The following C1orf141 variants were observed in gnomAD, a reference collection of about 807,000 sequenced individuals.
C1orf141 encodes chromosome 1 open reading frame 141, also known as uncharacterized protein C1orf141.
In C1orf141, 19 loss-of-function variants were observed where a neutral mutation model predicts 23.2. The ratio of observed to expected loss-of-function variants is 0.82; its 90% CI spans 0.57 to 1.20. C1orf141 has a LOEUF of 1.20. Ranked by LOEUF, C1orf141 falls within the 50% of genes most tolerant of loss-of-function variation. C1orf141 has a pLI of 0.00. For missense variants in C1orf141, 469 were observed against 455.1 expected (o/e 1.03, Z -0.28); for synonymous variants, 153 against 154.6 (o/e 0.99, Z 0.08).
At chr1:67,112,719 A>C (rs1646101559) in intron 5 of C1orf141, among the ~76,000 whole-genome samples, 1 of 152,124 alleles carries the variant, frequency 6.6e-6, no homozygotes, top group South Asian at 2.1e-4. Context: ...AACCACCAAA[A>C]AACAAAAAAC....
chr1:67,119,799 T>G (rs1353214275), intron 4 of C1orf141, among the ~76,000 whole-genome samples: 1 of 152,238 alleles, frequency 6.6e-6, no homozygotes, highest in South Asian at 2.1e-4. Context: ...AGCTACTGTA[T>G]GCAGCTGTTC....
intron 7 of C1orf141, 52 bp downstream of exon 7, chr1:67,095,183 T>C (rs551289365): frequency 9.4e-7 from 1 of 1,061,074 alleles, no homozygotes; most frequent in East Asian, 2.4e-5. Flanking sequence ...GTGATTCCCA[T>C]AAGTCTTATG....
rs186268780 is a variant in C1orf141 at position 67,125,828 on chromosome 1, C to G, written c.157G>C (p.Ala53Pro). The change falls in exon 4 of 8, where the codon GCT becomes CCT. Residue 53 changes from alanine (A) to proline (P), a missense_variant. Around this residue, in one of 3 missense-constraint regions of C1orf141, gnomAD observed 95 missense variants for 90.3 expected, o/e 1.05. Transcript: ENST00000684719. ...TFDFQLEFEE[A>P]LATSASKAIS... ...GCCTTAGACGCGGATGTAGCAAGAG[C>G]TTCTTCAAATTCCAACTGAAAATCA... The G allele has an allele frequency of 6.2e-7, 1 of 1,612,870 alleles. No homozygotes were observed. The highest frequency in any genetic ancestry group is 8.5e-7 in the Non-Finnish European group (1 of 1,179,774).
chr1:67,125,525 C>T (rs1034494055), intron 4 of C1orf141, among the ~76,000 whole-genome samples: 3 of 152,040 alleles, frequency 2.0e-5, no homozygotes, highest in African/African-American at 7.2e-5. Flanking sequence ...TGGGAAAACC[C>T]CATCTCTATA....
At chr1:67,138,184 C>A (rs1423732534), upstream of C1orf141, among the ~76,000 whole-genome samples, 2 of 152,222 alleles carry the variant, frequency 1.3e-5, no homozygotes, top group African/African-American at 4.8e-5. Context: ...AACTCATTAT[C>A]TTTCCAGATT....
chr1:67,130,750 T>C (rs903743481), intron 2 of C1orf141, among the ~76,000 whole-genome samples: 2 of 152,368 alleles, frequency 1.3e-5, no homozygotes, highest in African/African-American at 4.8e-5. Flanking sequence ...AACAGTTTTA[T>C]GAATACTAAA....
chr1:67,123,392 T>C (rs1485697686), intron 4 of C1orf141: 2 of 152,128 alleles, frequency 1.3e-5, no homozygotes, highest in Non-Finnish European at 2.9e-5. Flanking sequence ...TTTATAAGAT[T>C]AGTTATACAC....
chr1:67,125,827 G>A lies in C1orf141; in HGVS notation c.158C>T (p.Ala53Val), dbSNP rs1001603923. 8.1e-6 allele frequency: 13 copies of A among 1,612,780 alleles called. No homozygotes were observed. In the African/African-American group the frequency reaches 1.6e-4, roughly 20 times the overall value. The change falls in exon 4 of 8, where the codon GCT becomes GTT. Residue 53 changes from alanine (A) to valine (V), a missense_variant. By Grantham distance (64) the Ala-to-Val change is moderately conservative (BLOSUM62 0). This residue lies in a region of C1orf141 where 95 missense variants were observed against 90.3 expected (regional missense o/e 1.05). Coordinates refer to ENST00000684719, the MANE Select transcript of C1orf141 (RefSeq NM_001276351.2). The part of the protein sequence containing the change: ...TFDFQLEFEE[A>V]LATSASKAIS... ...TGCCTTAGACGCGGATGTAGCAAGA[G>A]CTTCTTCAAATTCCAACTGAAAATC...
chr1:67,095,904 AT>A (rs139323366), intron 6 of C1orf141: 11 of 184,736 alleles, frequency 6.0e-5, no homozygotes, highest in East Asian at 1.6e-4. Context: ...TGGATTAATG[AT>A]TTTTTTCATT....
At chr1:67,131,542 A>C (rs1302197073) in intron 1 of C1orf141, among the ~76,000 whole-genome samples, 1 of 152,204 alleles carries the variant, frequency 6.6e-6, no homozygotes, top group Non-Finnish European at 1.5e-5. Context: ...CAAACTCTTC[A>C]GATGACATAT....
intron 4 of C1orf141, chr1:67,123,068 T>C (rs944890992): frequency 3.9e-5 from 6 of 152,032 alleles, no homozygotes; most frequent in African/African-American, 1.5e-4. Context: ...CCGGGTGTGG[T>C]GGCACATGCC....
intron 4 of C1orf141, among the ~76,000 whole-genome samples, chr1:67,125,336 C>T (rs754363884): frequency 2.2e-4 from 33 of 152,138 alleles, no homozygotes; most frequent in Admixed American, 3.9e-4. Context: ...ACCCTTATAA[C>T]ATATGCCATA....
chr1:67,131,297 C>T (rs1646511898), intron 1 of C1orf141, 70 bp from the exon 2 acceptor site: 4 of 152,048 alleles, frequency 2.6e-5, no homozygotes, highest in South Asian at 2.1e-4. Flanking sequence ...TGTTTGTAAT[C>T]CTAGCTACTC....
chr1:67,112,819 G>A (rs542549538), intron 5 of C1orf141, among the ~76,000 whole-genome samples: 1 of 152,288 alleles, frequency 6.6e-6, no homozygotes, highest in African/African-American at 2.4e-5. Context: ...TGTTGATAGC[G>A]TAGTCAGAGG....
intron 7 of C1orf141, chr1:67,094,042 T>C (rs1233892448): frequency 6.5e-6 from 1 of 152,864 alleles, no homozygotes; most frequent in Non-Finnish European, 1.5e-5. Flanking sequence ...ATTACAAATC[T>C]GGATATTCTA....
chr1:67,092,975 T>G lies in C1orf141; in HGVS notation c.*30A>C. ...TTGGAACTTGGATATTTGCTTCTTG[T>G]TACTCAAATATTGCTGCATACATAA... On this transcript the variant is annotated 3_prime_UTR_variant, in exon 8 of 8. Transcript: ENST00000684719. 1 of 1,503,042 alleles carries G rather than the reference T, an allele frequency of 6.7e-7. No individual in the cohort carries two copies. Among genetic ancestry groups the G allele is most frequent in the Middle Eastern group, 2.4e-4 (1 of 4,150 alleles). The allele number at this position is 1,503,042 out of a possible 1,614,324, so 93.1% of individuals were successfully genotyped here.
intron 5 of C1orf141, among the ~76,000 whole-genome samples, chr1:67,103,849 A>T (rs2102435270): frequency 6.6e-6 from 1 of 152,246 alleles, no homozygotes; most frequent in Admixed American, 6.5e-5. Context: ...AAGCTAGAGT[A>T]TCAGATTGGC....
intron 5 of C1orf141, chr1:67,111,682 T>G (rs1646076025): frequency 1.0e-6 from 1 of 989,094 alleles, no homozygotes; most frequent in East Asian, 3.0e-5. Flanking sequence ...TGCTATTAAG[T>G]TACTTCTAAT....
intron 5 of C1orf141, among the ~76,000 whole-genome samples, chr1:67,114,780 G>A (rs1194795153): frequency 1.3e-5 from 2 of 152,166 alleles, no homozygotes; most frequent in Non-Finnish European, 2.9e-5. Flanking sequence ...GGGTTCAAGC[G>A]ATTCTTCTGC....
Sources: allele counts gnomAD v4.1 joint callset (sites outside exome capture counted in the v4.1 genomes callset), GRCh38; gene constraint gnomAD v4.1.1; regional missense constraint gnomAD v4.1.1; transcripts MANE v1.5; gene names NCBI Gene and HGNC (gene_info 2026-07-23, HGNC 2026-07-21).